Variants in ITFG1 observed in about 807,000 individuals in gnomAD.
ITFG1 encodes the protein T-cell immunomodulatory protein.
ITFG1 carries 34 observed loss-of-function variants against 81.8 expected under a neutral mutation model. The observed-to-expected ratio is 0.42, with a 90% CI of 0.32 to 0.55. The LOEUF (loss-of-function observed/expected upper bound fraction) is 0.55, where lower values mean the gene tolerates loss of function less well. ITFG1 is among the 20% of genes least tolerant of loss of function. The probability of loss-of-function intolerance (pLI) is 0.17; values close to 1 mark genes in which losing one functional copy is unlikely to be tolerated. For missense variants in ITFG1, 672 were observed against 755.4 expected (o/e 0.89, Z 1.29); for synonymous variants, 285 against 270.6 (o/e 1.05, Z -0.52).
intron 12 of ITFG1, among the ~76,000 whole-genome samples, chr16:47,249,436 T>C (rs960262514): frequency 6.6e-6 from 1 of 151,978 alleles, no homozygotes; most frequent in South Asian, 2.1e-4. Flanking sequence ...AAAAAGAAAT[T>C]ACAAAAATTC....
Position 47,459,456 on chromosome 16 carries a change from T to A in ITFG1, c.209-281A>T, listed in dbSNP as rs115725086. 7.1e-3 allele frequency among the ~76,000 whole-genome samples: 1,087 copies of A among 152,304 alleles called. 17 individuals carry two copies. Among genetic ancestry groups the A allele is most frequent in the African/African-American group, 0.025 (1,042 of 41,572 alleles). On this transcript the variant is annotated intron_variant, in intron 1 of 17. Coordinates refer to ENST00000320640, the MANE Select transcript of ITFG1 (RefSeq NM_030790.5). ...CAGTGGATTCTGCGAGGAGTCAGAT[T>A]GGTTGACTTAAAAGAACCATATAAA...
chr16:47,429,533 T>C lies in ITFG1; in HGVS notation c.561-635A>G, dbSNP rs770285044. ...TTGAACTGTTTTCCACTTCACCATC[T>C]TACATTTGTACCCAGCAATGTAGGA... On this transcript the variant is annotated intron_variant, in intron 5 of 17. Coordinates refer to ENST00000320640, the MANE Select transcript of ITFG1 (RefSeq NM_030790.5). 3.9e-5 allele frequency among the ~76,000 whole-genome samples: 6 copies of C among 152,224 alleles called. No homozygotes were observed. The East Asian group carries it at 7.7e-4, about 20-fold the overall frequency.
chr16:47,277,274 A>G (rs547244413), intron 10 of ITFG1, among the ~76,000 whole-genome samples: 1 of 152,312 alleles, frequency 6.6e-6, no homozygotes, highest in Admixed American at 6.5e-5. Context: ...AATTTCCCAA[A>G]TTGTAAAAAT....
chr16:47,450,237 A>C lies in ITFG1; in HGVS notation c.560+1159T>G, dbSNP rs570502574. The C allele has an allele frequency of 1.7e-5, 3 of 178,406 alleles. No individual in the cohort carries two copies. The South Asian group carries it at 2.6e-4, about 15-fold the overall frequency. The allele number at this position is 178,406 out of a possible 1,614,324, so 11.1% of individuals were successfully genotyped here. A position where few individuals can be genotyped will look rare whatever the true frequency, so the allele number is the denominator to read the frequency against. On this transcript the variant is annotated intron_variant, in intron 5 of 17. Coordinates refer to ENST00000320640, the MANE Select transcript of ITFG1 (RefSeq NM_030790.5). Reference sequence around the variant, plus strand: ...TGTCTCTAAAGCAAGACTCTCTTCAAGATATTTTTCAAATTTTGGAGAAAA... The same window carrying C: ...TGTCTCTAAAGCAAGACTCTCTTCACGATATTTTTCAAATTTTGGAGAAAA...
chr16:47,275,799 T>C (rs1966392060), intron 10 of ITFG1, among the ~76,000 whole-genome samples: 1 of 152,146 alleles, frequency 6.6e-6, no homozygotes, highest in African/African-American at 2.4e-5. Context: ...CTGCCACATA[T>C]CAAAATGCAA....
intron 13 of ITFG1, among the ~76,000 whole-genome samples, chr16:47,225,969 C>A (rs1298293548): frequency 1.3e-5 from 2 of 151,728 alleles, no homozygotes; most frequent in Non-Finnish European, 2.9e-5. Flanking sequence ...TTTTCTCTTA[C>A]CTGATATAAA....
chr16:47,429,948 C>A (rs796543928), intron 5 of ITFG1, among the ~76,000 whole-genome samples: 2 of 151,896 alleles, frequency 1.3e-5, no homozygotes, highest in Non-Finnish European at 2.9e-5. Flanking sequence ...AAGACCATTA[C>A]CCTCAGTCCC....
intron 8 of ITFG1, among the ~76,000 whole-genome samples, chr16:47,319,784 C>A (rs894713420): frequency 6.6e-6 from 1 of 152,180 alleles, no homozygotes; most frequent in African/African-American, 2.4e-5. Context: ...GCTTTATCCA[C>A]CATTGCTTTG....
intron 13 of ITFG1, among the ~76,000 whole-genome samples, chr16:47,220,615 C>T (rs1965679581): frequency 6.6e-6 from 1 of 152,160 alleles, no homozygotes; most frequent in African/African-American, 2.4e-5. Context: ...GTAATATTAA[C>T]AAATGTTATT....
At chr16:47,274,156 C>A (rs1342171264) in intron 10 of ITFG1, among the ~76,000 whole-genome samples, 1 of 151,920 alleles carries the variant, frequency 6.6e-6, no homozygotes, top group Admixed American at 6.6e-5. Flanking sequence ...ACTCGGGAGG[C>A]TGAGGCAGGA....
rs1223558850 is a variant in ITFG1 at position 47,363,274 on chromosome 16, C to A, written c.802+2514G>T. Among the ~76,000 whole-genome samples the A allele has an allele frequency of 4.6e-5, 7 of 152,144 alleles. No individual in the cohort carries two copies. In the East Asian group the frequency reaches 1.3e-3, roughly 29 times the overall value. ...ATAGTATTCAGCACAATATTTAAAG[C>A]ATAATAGAAGTTTAATTTTTTTCAG... On this transcript the variant is annotated intron_variant, in intron 8 of 17. Coordinates refer to ENST00000320640, the MANE Select transcript of ITFG1 (RefSeq NM_030790.5).
chr16:47,175,270 ATAT>A (rs1472217678), intron 14 of ITFG1, among the ~76,000 whole-genome samples: 1 of 151,788 alleles, frequency 6.6e-6, no homozygotes, highest in Admixed American at 6.6e-5. Context: ...AGGGTAGATA[ATAT>A]TATTATCTTT....
At chr16:47,372,987 T>A (rs1596939289) in intron 7 of ITFG1, among the ~76,000 whole-genome samples, 3 of 152,336 alleles carry the variant, frequency 2.0e-5, no homozygotes, top group Admixed American at 2.0e-4. Flanking sequence ...TTAATTGCAA[T>A]AATGAAGGCT....
At chr16:47,238,328 C>T (rs1425427679) in intron 12 of ITFG1, 2 of 179,208 alleles carry the variant, frequency 1.1e-5, no homozygotes, top group East Asian at 1.4e-4. Context: ...CCAAGGATGA[C>T]TTAGATTCTG....
chr16:47,407,088 T>C (rs1314793573), intron 6 of ITFG1, among the ~76,000 whole-genome samples: 3 of 152,176 alleles, frequency 2.0e-5, no homozygotes, highest in African/African-American at 7.2e-5. Flanking sequence ...TTTGGCTATT[T>C]ATCCAAATGT....
chr16:47,392,383 G>A (rs1308050120), intron 6 of ITFG1, among the ~76,000 whole-genome samples: 1 of 152,224 alleles, frequency 6.6e-6, no homozygotes, highest in East Asian at 1.9e-4. Flanking sequence ...AAAGGCTGGA[G>A]GTGACAGTGT....
At chr16:47,211,069 C>T (rs978125208) in intron 14 of ITFG1, among the ~76,000 whole-genome samples, 1 of 152,032 alleles carries the variant, frequency 6.6e-6, no homozygotes, top group African/African-American at 2.4e-5. Flanking sequence ...AATATCCTTC[C>T]GGGGACGTGG....
intron 10 of ITFG1, among the ~76,000 whole-genome samples, chr16:47,306,867 G>T (rs931818212): frequency 6.6e-6 from 1 of 151,782 alleles, no homozygotes. Context: ...GGCCTAGGCG[G>T]GTGGATCACA....
chr16:47,263,429 G>T, intron 10 of ITFG1: 1 of 422,556 alleles, frequency 2.4e-6, no homozygotes, highest in South Asian at 2.0e-5. Flanking sequence ...CCATGTGCAG[G>T]AGGATGGCTG....
Sources: allele counts gnomAD v4.1 joint callset (sites outside exome capture counted in the v4.1 genomes callset), GRCh38; gene constraint gnomAD v4.1.1; transcripts MANE v1.5; gene names NCBI Gene and HGNC (gene_info 2026-07-23, HGNC 2026-07-21).